The following ZBTB17 variants were observed in gnomAD, a reference collection of about 807,000 sequenced individuals.
ZBTB17 encodes zinc finger and BTB domain containing 17.
A neutral mutation model predicts 85.1 loss-of-function variants in ZBTB17; 24 were observed. The ratio of observed to expected loss-of-function variants is 0.28; its 90% CI spans 0.20 to 0.40. ZBTB17 has a LOEUF of 0.40. Among genes scored for constraint, ZBTB17 ranks in the 10% least tolerant of loss-of-function variants. The pLI is 1.00. For synonymous variants in ZBTB17, 464 were observed against 460.2 expected (o/e 1.01, Z -0.11); for missense variants, 743 against 1,105.1 (o/e 0.67, Z 4.65).
Position 15,976,090 on chromosome 1 carries a change from G to A in ZBTB17, c.-197C>T. 1 of 677,994 alleles carries A rather than the reference G, an allele frequency of 1.5e-6. No individual in the cohort carries two copies. The highest frequency in any genetic ancestry group is 1.5e-5 in the South Asian group (1 of 65,378). 42.0% of individuals were successfully genotyped at this position (677,994 alleles called of 1,614,324 possible). On this transcript the variant is annotated 5_prime_UTR_variant, in exon 1 of 16. Transcript: ENST00000375743. Reference sequence around the variant, plus strand: ...GGGCGCCGCCATGTTAGAGTCGGGCGGAACCGACCTCGCAGGCTTCCCGGC... The same window carrying A: ...GGGCGCCGCCATGTTAGAGTCGGGCAGAACCGACCTCGCAGGCTTCCCGGC...
rs1036614952 is a variant in ZBTB17, at chr1:15,952,517, G to A, written c.-2-4020C>T. Among the ~76,000 whole-genome samples, 3 of 152,202 alleles carry A rather than the reference G, an allele frequency of 2.0e-5. No homozygotes were observed. Among genetic ancestry groups the A allele is most frequent in the Non-Finnish European group, 4.4e-5 (3 of 68,038 alleles). The stretch of plus-strand genomic sequence containing the variant: ...TTCCTCCCCTGCCAGGGCCCACCAC[G>A]CCTCCCATGGAGAGACGGTGTCTGT... On this transcript the variant is annotated intron_variant, in intron 2 of 15. Transcript: ENST00000375743. This position sits in a 1 kb window ranked among gnomAD's most constrained non-coding sequence, Gnocchi z 4.3.
Position 15,945,824 on chromosome 1 carries a change from C to T in ZBTB17, c.552G>A (p.Glu184=), listed in dbSNP as rs1180067025. The T allele has an allele frequency of 6.3e-6, 10 of 1,598,702 alleles. No individual in the cohort carries two copies. Among genetic ancestry groups the T allele is most frequent in the Non-Finnish European group, 8.5e-6 (10 of 1,177,130 alleles). ...QSAASGAEQT[E]KADAPREPPP... is the part of the protein sequence containing the mutation. Reference sequence around the variant, plus strand: ...GCGGCTCCCGGGGCGCATCGGCTTTCTCTGTCTGCTCTGCACCTGGGTGGG... The same window carrying T: ...GCGGCTCCCGGGGCGCATCGGCTTTTTCTGTCTGCTCTGCACCTGGGTGGG... Residue 184 remains glutamate, a synonymous_variant, in exon 6 of 16, where the codon GAG becomes GAA. Coordinates refer to ENST00000375743, the MANE Select transcript of ZBTB17 (RefSeq NM_003443.3).
chr1:15,944,234 G>GTGGCA, intron 9 of ZBTB17, 66 bp downstream of exon 9: 1 of 1,539,322 alleles, frequency 6.5e-7, no homozygotes, highest in Non-Finnish European at 8.8e-7. Context: ...GCCCCACCAC[G>GTGGCA]TGGCATGCAT....
chr1:15,950,744 AC>A (rs1435144575), intron 2 of ZBTB17, among the ~76,000 whole-genome samples: 5 of 152,208 alleles, frequency 3.3e-5, no homozygotes, highest in African/African-American at 1.2e-4. Flanking sequence ...GGTACAAAGA[AC>A]CCTCTAGCAG....
At position 15,942,474 on chromosome 1, in the gene ZBTB17, C is replaced by T. The variant is rs778232445; in HGVS notation, c.2039-54G>A. Reference sequence around the variant, plus strand: ...GAAGGCACGGGCACTGCCCCATCATCGCCACCCTGGCAGCAAGCTGCCTGT... The same window carrying T: ...GAAGGCACGGGCACTGCCCCATCATTGCCACCCTGGCAGCAAGCTGCCTGT... On this transcript the variant is annotated intron_variant, in intron 14 of 15. Transcript: ENST00000375743. 6.8e-5 allele frequency: 109 copies of T among 1,610,698 alleles called. No homozygotes were observed. In the South Asian group the frequency reaches 1.1e-3, roughly 16 times the overall value.
chr1:15,950,551 G>C (rs532377375), intron 2 of ZBTB17, among the ~76,000 whole-genome samples: 56 of 152,318 alleles, frequency 3.7e-4, no homozygotes, highest in African/African-American at 1.2e-3. Flanking sequence ...GGGAATACCA[G>C]GGCCCACACA....
chr1:15,945,685 T>C (rs757784082), intron 6 of ZBTB17, 30 bp downstream of exon 6: 20 of 1,604,186 alleles, frequency 1.2e-5, no homozygotes, highest in Non-Finnish European at 1.5e-5. Flanking sequence ...ATGCACCAGG[T>C]AGGGCCTGGT....
chr1:15,945,845 G>A lies in ZBTB17; in HGVS notation c.536-5C>T. 5 of 1,591,352 alleles carry A rather than the reference G, an allele frequency of 3.1e-6. No individual in the cohort carries two copies. The highest frequency in any genetic ancestry group is 1.3e-5 in the African/African-American group (1 of 74,858). On this transcript the variant is annotated splice_region_variant and splice_polypyrimidine_tract_variant and intron_variant, in intron 5 of 15. Coordinates refer to ENST00000375743, the MANE Select transcript of ZBTB17 (RefSeq NM_003443.3). ...CTTTCTCTGTCTGCTCTGCACCTGG[G>A]TGGGGGAAGCACCGGAGGCTGGATT...
rs951930629 is a variant in ZBTB17, at chr1:15,942,954, G to C, written c.1828+110C>G. ...AGAACTGCCTTCAAGGCCACCTGCA[G>C]CAAGAGCTAGCACCCGAGGCTGGGG... On this transcript the variant is annotated intron_variant, in intron 13 of 15. Transcript: ENST00000375743. 5 of 1,500,464 alleles carry C rather than the reference G, an allele frequency of 3.3e-6. No individual in the cohort carries two copies. The East Asian group carries it at 1.2e-4, about 36-fold the overall frequency. 92.9% of individuals were successfully genotyped at this position (1,500,464 alleles called of 1,614,324 possible).
At position 15,944,781 on chromosome 1, in the gene ZBTB17, G is replaced by C; in HGVS notation, c.986C>G (p.Thr329Arg). The C allele has an allele frequency of 6.2e-7, 1 of 1,612,514 alleles. No homozygotes were observed. Among genetic ancestry groups the C allele is most frequent in the Middle Eastern group, 1.7e-4 (1 of 6,060 alleles). The stretch of plus-strand genomic sequence containing the variant: ...CCGGCACGAGAAGGGCTTCTCCCCC[G>C]TGTGGATGCGGATGTGCCGCTTGAA... ...GNFKRHIRIH[T>R]GEKPFSCREC... The change falls in exon 8 of 16, where the codon ACG becomes AGG. Residue 329 changes from threonine to arginine, a missense_variant. By Grantham distance (71) the Thr-to-Arg change is moderately conservative (BLOSUM62 -1). This residue lies in a region of ZBTB17 where 321 missense variants were observed against 615.7 expected (regional missense o/e 0.52). Transcript: ENST00000375743.
chr1:15,969,921 A>G (rs2072583673), intron 2 of ZBTB17: 3 of 653,364 alleles, frequency 4.6e-6, no homozygotes. Context: ...GTCAGGTGTG[A>G]ATCTGCCCTC....
chr1:15,958,122 A>AACC (rs2072116100), intron 2 of ZBTB17, among the ~76,000 whole-genome samples: 1 of 152,204 alleles, frequency 6.6e-6, no homozygotes, highest in Admixed American at 6.5e-5. Context: ...AAAATAGGAA[A>AACC]ACCACCATAA....
chr1:15,954,570 C>T (rs773028541), intron 2 of ZBTB17, among the ~76,000 whole-genome samples: 1 of 152,180 alleles, frequency 6.6e-6, no homozygotes, highest in East Asian at 1.9e-4. Context: ...ACATAAACTT[C>T]CAAAGGAGCC....
intron 2 of ZBTB17, among the ~76,000 whole-genome samples, chr1:15,956,051 C>A (rs1006107308): frequency 2.0e-5 from 3 of 152,208 alleles, no homozygotes; most frequent in Non-Finnish European, 2.9e-5. Flanking sequence ...TGTGCTAGTA[C>A]GCATACCAGG....
chr1:15,954,384 CTG>C, intron 2 of ZBTB17, among the ~76,000 whole-genome samples: 1 of 152,328 alleles, frequency 6.6e-6, no homozygotes, highest in African/African-American at 2.4e-5. Flanking sequence ...TAGGGAGACA[CTG>C]ATCTTTACAA....
rs1040981309 is a variant in ZBTB17, at chr1:15,953,784, A to G, written c.-2-5287T>C. On this transcript the variant is annotated intron_variant, in intron 2 of 15. Transcript: ENST00000375743. This position sits in a 1 kb window ranked among gnomAD's most constrained non-coding sequence, Gnocchi z 5.1. ...TCCAGCAAAGCTTCTCCAATGGCCA[A>G]CAGGGCTAATGGTATGACTTCCTTT... is the stretch of plus-strand genomic sequence containing the variant. Among the ~76,000 whole-genome samples, 1 of 152,250 alleles carries G rather than the reference A, an allele frequency of 6.6e-6. No individual in the cohort carries two copies. The highest frequency in any genetic ancestry group is 2.4e-5 in the African/African-American group (1 of 41,464).
chr1:15,959,547 A>AGGGAGGGGG (rs2072179629), intron 2 of ZBTB17, among the ~76,000 whole-genome samples: 1 of 102,738 alleles, frequency 9.7e-6, no homozygotes, highest in Non-Finnish European at 2.0e-5. Context: ...GAGGGAGGAG[A>AGGGAGGGGG]GGGAGGGAGG....
At chr1:15,967,453 T>C (rs1234080591) in intron 2 of ZBTB17, among the ~76,000 whole-genome samples, 1 of 151,042 alleles carries the variant, frequency 6.6e-6, no homozygotes, top group East Asian at 1.9e-4. Context: ...CTGAGATAGA[T>C]GGATTGCTTG....
chr1:15,959,549 G>A (rs1368715323), intron 2 of ZBTB17, among the ~76,000 whole-genome samples: 1 of 144,598 alleles, frequency 6.9e-6, no homozygotes, highest in Non-Finnish European at 1.5e-5. Context: ...GGGAGGAGAG[G>A]GAGGGAGGAA....
Sources: allele counts gnomAD v4.1 joint callset (sites outside exome capture counted in the v4.1 genomes callset), GRCh38; gene constraint gnomAD v4.1.1; regional missense constraint gnomAD v4.1.1; non-coding constraint Gnocchi (gnomAD v3.1); transcripts MANE v1.5; gene names NCBI Gene and HGNC (gene_info 2026-07-23, HGNC 2026-07-21).